CACNA2D2: variants seen among roughly 807,000 people sequenced by gnomAD.
CACNA2D2 encodes the protein voltage-dependent calcium channel subunit alpha-2/delta-2.
In CACNA2D2, 48 loss-of-function variants were observed where a neutral mutation model predicts 166.4. That is an observed-to-expected ratio of 0.29 (90% CI 0.23 to 0.37). The LOEUF (loss-of-function observed/expected upper bound fraction) is 0.37. CACNA2D2 is among the 10% of genes least tolerant of loss of function. CACNA2D2 has a pLI of 1.00. For missense variants in CACNA2D2, 1,122 were observed against 1,433.0 expected, an observed-to-expected ratio of 0.78 and a Z score of 3.50; for synonymous variants, 561 against 573.7, an observed-to-expected ratio of 0.98 and a Z score of 0.32.
chr3:50,451,147 C>T (rs1405185593), intron 2 of CACNA2D2, among the ~76,000 whole-genome samples: 2 of 151,820 alleles, frequency 1.3e-5, no homozygotes, highest in African/African-American at 2.4e-5. Flanking sequence ...TTTTTTGAGA[C>T]GGAGTTTCAC....
intron 3 of CACNA2D2, among the ~76,000 whole-genome samples, chr3:50,407,299 G>GT (rs956251339): frequency 1.3e-4 from 19 of 151,954 alleles, no homozygotes; most frequent in Admixed American, 2.0e-4. Context: ...TCTCTCTCCT[G>GT]TTTAAGGCCT....
intron 2 of CACNA2D2, among the ~76,000 whole-genome samples, chr3:50,461,728 T>C (rs1575725712): frequency 7.9e-6 from 1 of 126,442 alleles, no homozygotes; most frequent in African/African-American, 3.1e-5. Flanking sequence ...GCCACTGCAC[T>C]CCAGCCTGGG....
At chr3:50,464,004 C>A (rs1709706888) in intron 2 of CACNA2D2, among the ~76,000 whole-genome samples, 1 of 152,194 alleles carries the variant, frequency 6.6e-6, no homozygotes, top group Admixed American at 6.5e-5. Context: ...CTCTGCAGAT[C>A]ATGCAGAGGG....
At chr3:50,399,460 G>T (rs1213986487) in intron 3 of CACNA2D2, among the ~76,000 whole-genome samples, 3 of 152,184 alleles carry the variant, frequency 2.0e-5, no homozygotes, top group Admixed American at 1.3e-4. Flanking sequence ...GGCAGAAGCT[G>T]TGATGGAGCG....
At chr3:50,471,722 C>G (rs139135802) in intron 2 of CACNA2D2, among the ~76,000 whole-genome samples, 50 of 148,400 alleles carry the variant, frequency 3.4e-4, no homozygotes, top group African/African-American at 1.1e-3. Context: ...GTCCCACCTA[C>G]CTGAGCCCCT....
chr3:50,366,102 A>G lies in CACNA2D2; in HGVS notation c.2771T>C (p.Phe924Ser), dbSNP rs768046873. 6.2e-7 allele frequency: 1 copy of G among 1,613,904 alleles called. No homozygotes were observed. The highest frequency in any genetic ancestry group is 1.1e-5 in the South Asian group (1 of 91,088). Residue 924 changes from phenylalanine to serine, a missense_variant, in exon 32 of 38, where the codon TTC (phenylalanine) becomes TCC (serine). Coordinates refer to ENST00000424201, the MANE Select transcript of CACNA2D2 (RefSeq NM_006030.4). This position sits in a 1 kb window ranked among gnomAD's most constrained non-coding sequence, Gnocchi z 5.9. ...GTCATAGGACTCCTTGCGGGTGTAG[A>G]AGGAGTTATTGTAGAGTGCCAGCAT... is the stretch of plus-strand genomic sequence containing the variant. Reference protein sequence around the residue: ...NLMLALYNNSFYTRKESYDYQ... With the variant: ...NLMLALYNNSSYTRKESYDYQ...
At chr3:50,377,068 CT>C (rs1164457949) in intron 17 of CACNA2D2, among the ~76,000 whole-genome samples, 5 of 152,094 alleles carry the variant, frequency 3.3e-5, no homozygotes, top group African/African-American at 1.2e-4. Flanking sequence ...TTTTAAATGG[CT>C]GGAAAAAACA....
At chr3:50,418,088 T>TG (rs1207011501) in intron 3 of CACNA2D2, among the ~76,000 whole-genome samples, 1 of 152,140 alleles carries the variant, frequency 6.6e-6, no homozygotes, top group Non-Finnish European at 1.5e-5. Flanking sequence ...ACTGTACTTG[T>TG]GCTCCTATTG....
intron 14 of CACNA2D2, 66 bp downstream of exon 14, chr3:50,378,218 C>G: frequency 6.4e-7 from 1 of 1,558,594 alleles, no homozygotes; most frequent in Non-Finnish European, 8.7e-7. Context: ...CCCACAGCAG[C>G]CCATGGCACA....
At chr3:50,473,390 T>G (rs1710180802) in intron 2 of CACNA2D2, among the ~76,000 whole-genome samples, 1 of 152,142 alleles carries the variant, frequency 6.6e-6, no homozygotes, top group Non-Finnish European at 1.5e-5. Context: ...GCCTCTAGGA[T>G]GGAGGCACGC....
At chr3:50,449,013 C>CAAT (rs1708987714) in intron 2 of CACNA2D2, among the ~76,000 whole-genome samples, 2 of 152,208 alleles carry the variant, frequency 1.3e-5, no homozygotes, top group Non-Finnish European at 2.9e-5. Context: ...GGAAACATCA[C>CAAT]GAAAACGACT....
chr3:50,446,160 C>G (rs974721966), intron 2 of CACNA2D2, among the ~76,000 whole-genome samples: 5 of 152,258 alleles, frequency 3.3e-5, no homozygotes, highest in Non-Finnish European at 5.9e-5. Context: ...GAGGCACATG[C>G]TGTGCCTGGG....
At chr3:50,473,143 G>A (rs1179117815) in intron 2 of CACNA2D2, among the ~76,000 whole-genome samples, 1 of 152,216 alleles carries the variant, frequency 6.6e-6, no homozygotes, top group Non-Finnish European at 1.5e-5. Flanking sequence ...TGCGATGTTA[G>A]ATGAGGAAAT....
intron 3 of CACNA2D2, among the ~76,000 whole-genome samples, chr3:50,408,378 G>A (rs549508810): frequency 9.8e-5 from 15 of 152,304 alleles, no homozygotes; most frequent in African/African-American, 1.7e-4. Context: ...CCACCTTGTC[G>A]CTGCCCACCA....
chr3:50,407,317 G>A (rs1706766990), intron 3 of CACNA2D2, among the ~76,000 whole-genome samples: 1 of 151,838 alleles, frequency 6.6e-6, no homozygotes, highest in Non-Finnish European at 1.5e-5. Context: ...CCTGTTTGTG[G>A]CTTTTGCATC....
rs1238829057 is a variant in CACNA2D2 at position 50,367,044 on chromosome 3, G to A, written c.2467C>T (p.Leu823Phe). ...VGILVSTAVE[L>F]SLGRRTLRPA... Reference sequence around the variant, plus strand: ...CTCAGTGTGCGCCTGCCTAGGCTGAGCTCCACAGCTGTGCTGACGAGGATG... The same window carrying A: ...CTCAGTGTGCGCCTGCCTAGGCTGAACTCCACAGCTGTGCTGACGAGGATG... The change falls in exon 28 of 38, where the codon CTC (leucine) becomes TTC (phenylalanine). Residue 823 changes from leucine (L) to phenylalanine (F), a missense_variant. Physicochemically the swap from Leu to Phe is conservative, Grantham distance 22. Around this residue, in one of 2 missense-constraint regions of CACNA2D2, gnomAD observed 840 missense variants for 1,166.8 expected, o/e 0.72. Coordinates refer to ENST00000424201, the MANE Select transcript of CACNA2D2 (RefSeq NM_006030.4). This position sits in a 1 kb window ranked among gnomAD's most constrained non-coding sequence, Gnocchi z 6.5. The A allele has an allele frequency of 1.9e-6, 3 of 1,613,706 alleles. No homozygotes were observed. The highest frequency in any genetic ancestry group is 2.7e-5 in the African/African-American group (2 of 74,946).
intron 3 of CACNA2D2, among the ~76,000 whole-genome samples, chr3:50,395,260 T>C (rs1342613204): frequency 6.6e-6 from 1 of 152,152 alleles, no homozygotes; most frequent in Non-Finnish European, 1.5e-5. Flanking sequence ...CATGGAGCCA[T>C]TGTGGCCCTC....
chr3:50,419,210 C>T (rs966459645), intron 3 of CACNA2D2, among the ~76,000 whole-genome samples: 9 of 152,106 alleles, frequency 5.9e-5, no homozygotes, highest in African/African-American at 2.2e-4. Flanking sequence ...TAGTGGGCTC[C>T]CTCTCTAAAA....
intron 1 of CACNA2D2, among the ~76,000 whole-genome samples, chr3:50,489,170 C>T (rs1226612110): frequency 6.6e-6 from 1 of 152,180 alleles, no homozygotes. Flanking sequence ...GTAACTGGGG[C>T]ACAAACAAGG....
Sources: allele counts gnomAD v4.1 joint callset (sites outside exome capture counted in the v4.1 genomes callset), GRCh38; gene constraint gnomAD v4.1.1; regional missense constraint gnomAD v4.1.1; non-coding constraint Gnocchi (gnomAD v3.1); transcripts MANE v1.5; gene names NCBI Gene and HGNC (gene_info 2026-07-23, HGNC 2026-07-21).